Variants in CCDC171 observed in about 807,000 individuals in gnomAD.
CCDC171 encodes the protein coiled-coil domain containing 171, also known as coiled-coil domain-containing protein 171.
A neutral mutation model predicts 168.2 loss-of-function variants in CCDC171; 177 were observed. The ratio of observed to expected loss-of-function variants is 1.05; its 90% CI spans 0.93 to 1.19. The LOEUF is 1.19. CCDC171 is among the 50% of genes most tolerant of loss of function. CCDC171 has a pLI of 0.00. For missense variants in CCDC171, 1,991 were observed against 1,539.0 expected (o/e 1.29, Z -4.91); for synonymous variants, 687 against 540.8 (o/e 1.27, Z -3.75).
chr9:15,678,010 A>G (rs1161394294), intron 9 of CCDC171, among the ~76,000 whole-genome samples: 7 of 145,408 alleles, frequency 4.8e-5, no homozygotes, highest in African/African-American at 1.8e-4. Flanking sequence ...CCTGGGCTCA[A>G]GCAATCCTCC....
intron 3 of CCDC171, among the ~76,000 whole-genome samples, chr9:15,573,370 G>T (rs946571540): frequency 1.3e-5 from 2 of 152,102 alleles, no homozygotes; most frequent in African/African-American, 4.8e-5. Context: ...CTGCCTCCAG[G>T]TTCAAGTGAT....
intron 1 of CCDC171, among the ~76,000 whole-genome samples, chr9:16,044,207 G>T (rs1252944954): frequency 2.6e-5 from 4 of 152,194 alleles, no homozygotes; most frequent in African/African-American, 7.2e-5. Flanking sequence ...AGGGGATCAA[G>T]CAACTTTCAT....
intron 8 of CCDC171, among the ~76,000 whole-genome samples, chr9:16,037,608 C>A (rs944056231): frequency 6.6e-6 from 1 of 151,534 alleles, no homozygotes; most frequent in Non-Finnish European, 1.5e-5. Flanking sequence ...GAATTGAAAA[C>A]ATAATAAATT....
chr9:15,682,454 CTTTA>C (rs974474645), intron 10 of CCDC171, among the ~76,000 whole-genome samples: 22 of 151,842 alleles, frequency 1.4e-4, no homozygotes, highest in Admixed American at 2.0e-4. Flanking sequence ...TTTAATTGTA[CTTTA>C]TTTATTTTTA....
chr9:15,728,170 T>G (rs2053934777), intron 15 of CCDC171, 134 bp downstream of exon 15: 1 of 685,812 alleles, frequency 1.5e-6, no homozygotes. Context: ...TACCATTAAT[T>G]ATGGCTTGTC....
At chr9:15,745,469 A>T (rs775564238) in intron 17 of CCDC171, 46 bp from the exon 18 acceptor site, 3 of 1,218,570 alleles carry the variant, frequency 2.5e-6, no homozygotes, top group East Asian at 2.5e-5. Flanking sequence ...TATAGATTTT[A>T]ATAAAGTTTT....
At chr9:15,839,600 G>C (rs1030478792) in intron 21 of CCDC171, among the ~76,000 whole-genome samples, 13 of 152,222 alleles carry the variant, frequency 8.5e-5, no homozygotes, top group Admixed American at 2.6e-4. Context: ...ATATGCTTGA[G>C]TTATAATGAT....
chr9:16,081,807 C>T, the CCDC171 span, among the ~76,000 whole-genome samples: 1 of 151,832 alleles, frequency 6.6e-6, no homozygotes, highest in African/African-American at 2.4e-5. Flanking sequence ...TCAATGTTGG[C>T]TGTATTTGTA....
chr9:15,840,331 G>A (rs1416114533), intron 21 of CCDC171, among the ~76,000 whole-genome samples: 3 of 152,082 alleles, frequency 2.0e-5, no homozygotes. Context: ...AATTCTAAAT[G>A]ATAGTTTTTT....
intron 16 of CCDC171, among the ~76,000 whole-genome samples, chr9:15,739,341 G>A (rs906850191): frequency 6.6e-6 from 1 of 152,202 alleles, no homozygotes; most frequent in African/African-American, 2.4e-5. Flanking sequence ...TCAACTTCTT[G>A]TTCATCAGGT....
chr9:15,649,030 G>A (rs1044751335), intron 7 of CCDC171, among the ~76,000 whole-genome samples: 2 of 152,190 alleles, frequency 1.3e-5, no homozygotes, highest in African/African-American at 4.8e-5. Flanking sequence ...AAACAGCATG[G>A]TACTGGTACC....
At chr9:15,677,920 A>ATG (rs2049740303) in intron 9 of CCDC171, among the ~76,000 whole-genome samples, 1 of 36,406 alleles carries the variant, frequency 2.7e-5, no homozygotes, top group Non-Finnish European at 4.7e-5. Context: ...ATATATATAT[A>ATG]TATATAAGAG....
chr9:16,056,363 T>A (rs1319564023), intron 1 of CCDC171, among the ~76,000 whole-genome samples: 1 of 152,254 alleles, frequency 6.6e-6, no homozygotes, highest in South Asian at 2.1e-4. Context: ...TGAAATGTGA[T>A]TAGTATGACT....
intron 7 of CCDC171, among the ~76,000 whole-genome samples, chr9:15,641,292 A>C (rs1247902565): frequency 6.6e-6 from 1 of 152,220 alleles, no homozygotes; most frequent in African/African-American, 2.4e-5. Flanking sequence ...ATGATAATTC[A>C]TCTCATTTTT....
intron 3 of CCDC171, among the ~76,000 whole-genome samples, chr9:15,999,994 C>T (rs2132944895): frequency 6.6e-6 from 1 of 152,260 alleles, no homozygotes; most frequent in Admixed American, 6.5e-5. Context: ...TTAAGGTAGC[C>T]AGGAGCTGTA....
intron 4 of CCDC171, among the ~76,000 whole-genome samples, chr9:16,021,921 A>G (rs763110375): frequency 1.3e-5 from 2 of 152,160 alleles, no homozygotes; most frequent in Admixed American, 6.5e-5. Flanking sequence ...GTAGAAATGT[A>G]CTTTTGCCTT....
At position 15,817,777 on chromosome 9, in the gene CCDC171, A is replaced by G. The variant is rs1430226033; in HGVS notation, c.3268-28925A>G. ...GGCTCTACCTCTGGGGGCAGGGCAC[A>G]GACAAACAAAAGGCAGCAATAACCT... On this transcript the variant is annotated intron_variant, in intron 21 of 25. Transcript: ENST00000380701. Among the ~76,000 whole-genome samples the G allele has an allele frequency of 1.2e-4, 14 of 118,736 alleles. 5 individuals are homozygous for G. The highest frequency in any genetic ancestry group is 4.0e-4 in the Admixed American group (5 of 12,658). 77.9% of individuals were successfully genotyped at this position (118,736 alleles called of 152,430 possible).
At chr9:15,809,414 A>G (rs2059229183) in intron 21 of CCDC171, among the ~76,000 whole-genome samples, 1 of 152,156 alleles carries the variant, frequency 6.6e-6, no homozygotes, top group Non-Finnish European at 1.5e-5. Context: ...GGTCTCACTG[A>G]CTTCAAGAAT....
rs147847156 is a variant in CCDC171, at chr9:15,967,809, C to G, written c.3754-3800C>G. Among the ~76,000 whole-genome samples, 378 of 152,262 alleles carry G rather than the reference C, an allele frequency of 2.5e-3. 4 individuals are homozygous for G. The highest frequency in any genetic ancestry group is 8.2e-3 in the African/African-American group (339 of 41,550). ...GCTTACTAAATCACATTTTTCCTCA[C>G]TTTTTATAATACTAAATTCTAGAAG... On this transcript the variant is annotated intron_variant, in intron 25 of 25. Transcript: ENST00000380701.
Sources: allele counts gnomAD v4.1 joint callset (sites outside exome capture counted in the v4.1 genomes callset), GRCh38; gene constraint gnomAD v4.1.1; transcripts MANE v1.5; gene names NCBI Gene and HGNC (gene_info 2026-07-23, HGNC 2026-07-21).